Variants in DPYD observed in about 807,000 individuals in gnomAD.
DPYD encodes dihydropyrimidine dehydrogenase [NADP(+)].
Under a neutral mutation model 116.2 loss-of-function variants are expected in DPYD, and 109 were observed. The observed-to-expected ratio is 0.94, with a 90% CI of 0.80 to 1.10. DPYD has a LOEUF of 1.10. Ranked by LOEUF, DPYD falls within the 50% of genes least tolerant of loss-of-function variation. DPYD has a pLI of 0.00. For missense variants in DPYD, 1,302 were observed against 1,254.5 expected, an observed-to-expected ratio of 1.04 and a Z score of -0.57; for synonymous variants, 440 against 432.0, an observed-to-expected ratio of 1.02 and a Z score of -0.23.
At chr1:97,602,796 A>G (rs1179808541) in intron 8 of DPYD, among the ~76,000 whole-genome samples, 1 of 151,892 alleles carries the variant, frequency 6.6e-6, no homozygotes, top group African/African-American at 2.4e-5. Context: ...CAAAAAAAAG[A>G]AGTACCTTTT....
chr1:97,545,805 G>C, intron 12 of DPYD: 2 of 1,503,486 alleles, frequency 1.3e-6, no homozygotes, highest in South Asian at 1.1e-5. Flanking sequence ...TGGCCGTTCA[G>C]GGACTTCAGC....
chr1:97,489,524 G>A (rs1346399039), intron 13 of DPYD, among the ~76,000 whole-genome samples: 1 of 152,084 alleles, frequency 6.6e-6, no homozygotes, highest in Non-Finnish European at 1.5e-5. Context: ...CAATATTTGT[G>A]GTAGACAATA....
chr1:97,462,805 G>C (rs1262157376), intron 13 of DPYD, among the ~76,000 whole-genome samples: 1 of 152,128 alleles, frequency 6.6e-6, no homozygotes, highest in Non-Finnish European at 1.5e-5. Flanking sequence ...TCCTTTTCCA[G>C]GTCTTTTCCC....
At position 97,806,276 on chromosome 1, in the gene DPYD, T is replaced by C. The variant is rs190282544; in HGVS notation, c.233+21838A>G. Among the ~76,000 whole-genome samples, 101 of 152,014 alleles carry C rather than the reference T, an allele frequency of 6.6e-4. 1 individual carries two copies. The highest frequency in any genetic ancestry group is 5.1e-3 in the Admixed American group (78 of 15,234). On this transcript the variant is annotated intron_variant, in intron 3 of 22. Coordinates refer to ENST00000370192, the MANE Select transcript of DPYD (RefSeq NM_000110.4). ...ATTAGAAGTCAATAACAGTAAAATC[T>C]AGAAGAAAATGCAGTTGTTTCACAT...
At chr1:97,194,027 C>T (rs1014525032) in intron 19 of DPYD, among the ~76,000 whole-genome samples, 1 of 152,112 alleles carries the variant, frequency 6.6e-6, no homozygotes, top group Non-Finnish European at 1.5e-5. Context: ...CAACTCACTT[C>T]CCAATTAGAC....
intron 10 of DPYD, among the ~76,000 whole-genome samples, chr1:97,574,656 CATAATGGA>C (rs1264237065): frequency 3.3e-5 from 5 of 152,220 alleles, no homozygotes; most frequent in East Asian, 1.9e-4. Context: ...TTTTCATATG[CATAATGGA>C]ATGTTCATTG....
chr1:97,194,439 T>C (rs1223947913), intron 19 of DPYD, among the ~76,000 whole-genome samples: 1 of 152,178 alleles, frequency 6.6e-6, no homozygotes, highest in Non-Finnish European at 1.5e-5. Flanking sequence ...CCCAGAAATG[T>C]TGAACTGTGA....
intron 10 of DPYD, chr1:97,586,048 A>G (rs2102228999): frequency 4.8e-6 from 1 of 207,664 alleles, no homozygotes; most frequent in Non-Finnish European, 1.0e-5. Context: ...GAGGACACTA[A>G]AAAGTTCAGC....
intron 14 of DPYD, among the ~76,000 whole-genome samples, chr1:97,426,012 A>G (rs1674847484): frequency 6.6e-6 from 1 of 151,654 alleles, no homozygotes; most frequent in Admixed American, 6.6e-5. Flanking sequence ...TTATTACATT[A>G]TTATTCTATG....
In DPYD at chr1:97,493,561, T is replaced by A. The variant is rs559438557; in HGVS notation, c.1740+22165A>T. On this transcript the variant is annotated intron_variant, in intron 13 of 22. Transcript: ENST00000370192. ...TGGTTAATGTCAGGTGGAGCAATTTTCATCCAAGAACTGGGAATTATGATT... is the reference window on the plus strand; with the variant it reads ...TGGTTAATGTCAGGTGGAGCAATTTACATCCAAGAACTGGGAATTATGATT... Among the ~76,000 whole-genome samples, 41 of 152,228 alleles carry A rather than the reference T, an allele frequency of 2.7e-4. 2 individuals are homozygous for A. Among genetic ancestry groups the A allele is most frequent in the African/African-American group, 9.6e-4 (40 of 41,546 alleles).
At chr1:97,793,351 A>C (rs1021766221) in intron 3 of DPYD, among the ~76,000 whole-genome samples, 1 of 152,224 alleles carries the variant, frequency 6.6e-6, no homozygotes. Flanking sequence ...TTTAGTAAAA[A>C]TAGACAAACT....
intron 11 of DPYD, among the ~76,000 whole-genome samples, chr1:97,563,037 G>C (rs1278173366): frequency 6.6e-6 from 1 of 151,998 alleles, no homozygotes; most frequent in Non-Finnish European, 1.5e-5. Context: ...AATTTAACCA[G>C]AGTATTTTAG....
At chr1:97,872,687 A>C (rs1385426448) in intron 2 of DPYD, among the ~76,000 whole-genome samples, 2 of 151,978 alleles carry the variant, frequency 1.3e-5, no homozygotes, top group Non-Finnish European at 2.9e-5. Context: ...ACAGCATATC[A>C]CAAACAAAGA....
chr1:97,852,023 C>CAA (rs555567071), intron 2 of DPYD, among the ~76,000 whole-genome samples: 4 of 74,284 alleles, frequency 5.4e-5, no homozygotes, highest in Admixed American at 1.4e-4. Flanking sequence ...GTGCAATTTA[C>CAA]AAAAAAAAAA....
intron 11 of DPYD, among the ~76,000 whole-genome samples, chr1:97,562,171 T>G (rs1016583886): frequency 6.6e-6 from 1 of 152,192 alleles, no homozygotes; most frequent in Non-Finnish European, 1.5e-5. Context: ...GGCAGATTAG[T>G]AGGATGTCAA....
At chr1:97,466,474 G>A (rs1392892845) in intron 13 of DPYD, among the ~76,000 whole-genome samples, 1 of 151,478 alleles carries the variant, frequency 6.6e-6, no homozygotes, top group Non-Finnish European at 1.5e-5. Flanking sequence ...TACATTTTAA[G>A]TAACAATCGA....
At chr1:97,283,268 C>T (rs1426507420) in intron 18 of DPYD, among the ~76,000 whole-genome samples, 1 of 151,932 alleles carries the variant, frequency 6.6e-6, no homozygotes, top group Non-Finnish European at 1.5e-5. Flanking sequence ...TGAGTGTCTT[C>T]TTTTATATGC....
At chr1:97,770,786 A>C (rs931726562) in intron 3 of DPYD, among the ~76,000 whole-genome samples, 1 of 152,168 alleles carries the variant, frequency 6.6e-6, no homozygotes, top group Non-Finnish European at 1.5e-5. Context: ...TTTATTTTTT[A>C]ACATTTACTA....
At chr1:97,195,231 C>T (rs537405693) in intron 19 of DPYD, among the ~76,000 whole-genome samples, 2 of 152,120 alleles carry the variant, frequency 1.3e-5, no homozygotes, top group Admixed American at 6.5e-5. Flanking sequence ...CATTTCTATC[C>T]TGTTTTCCCA....
Sources: gnomAD v4.1 joint callset for allele counts (sites outside exome capture counted in the v4.1 genomes callset) on GRCh38, gnomAD v4.1.1 for gene constraint, MANE v1.5 for transcripts, NCBI Gene and HGNC (gene_info 2026-07-23, HGNC 2026-07-21) for gene names.